Variants in SOX6 observed in about 807,000 individuals in gnomAD.
SOX6 encodes SRY-box transcription factor 6.
SOX6 carries 11 observed loss-of-function variants against 97.8 expected under a neutral mutation model. The observed-to-expected ratio is 0.11, with a 90% CI of 0.07 to 0.19. The LOEUF is 0.19. Among genes scored for constraint, SOX6 ranks in the 10% least tolerant of loss-of-function variants. The probability of loss-of-function intolerance (pLI) is 1.00; values close to 1 mark genes in which losing one functional copy is unlikely to be tolerated. For missense variants in SOX6, 810 were observed against 1,039.5 expected (o/e 0.78, Z 3.04); for synonymous variants, 360 against 371.4 (o/e 0.97, Z 0.35).
chr11:16,628,513 C>G (rs1848657479), intron 3 of SOX6, among the ~76,000 whole-genome samples: 1 of 151,372 alleles, frequency 6.6e-6, no homozygotes, highest in Admixed American at 6.6e-5. Context: ...GTAGTCGCAG[C>G]TACTTGGAAG....
At chr11:16,051,274 T>C (rs919449065) in intron 10 of SOX6, among the ~76,000 whole-genome samples, 5 of 152,194 alleles carry the variant, frequency 3.3e-5, no homozygotes, top group Non-Finnish European at 7.4e-5. Context: ...AGTATTATTC[T>C]AAATTTACAA....
rs1042826609 is a variant in SOX6, at chr11:16,399,987, A to C, written c.-4-58735T>G. 3.3e-5 allele frequency among the ~76,000 whole-genome samples: 5 copies of C among 151,494 alleles called. No individual in the cohort carries two copies. The East Asian group carries it at 7.8e-4, about 24-fold the overall frequency. On this transcript the variant is annotated intron_variant, in intron 1 of 15. Coordinates refer to the SOX6 transcript ENST00000396356. ...TGAAGAAAAAAGGATTCTTAACTTAAAAAAAGACAGTTTCAGTTCCATTGA... is the reference window on the plus strand; with the variant it reads ...TGAAGAAAAAAGGATTCTTAACTTACAAAAAGACAGTTTCAGTTCCATTGA...
At chr11:16,214,066 A>G (rs1237489049) in intron 4 of SOX6, among the ~76,000 whole-genome samples, 2 of 152,224 alleles carry the variant, frequency 1.3e-5, no homozygotes, top group Non-Finnish European at 2.9e-5. Context: ...GCTGCCTAAT[A>G]TGATAGCCAT....
intron 4 of SOX6, among the ~76,000 whole-genome samples, chr11:16,221,212 AAT>A: frequency 6.6e-6 from 1 of 152,234 alleles, no homozygotes; most frequent in Non-Finnish European, 1.5e-5. Context: ...ATGCAAATAA[AAT>A]AGTGAGTAAA....
At chr11:16,543,191 T>C (rs1861433834) in intron 4 of SOX6, among the ~76,000 whole-genome samples, 1 of 152,164 alleles carries the variant, frequency 6.6e-6, no homozygotes, top group Non-Finnish European at 1.5e-5. Context: ...TGTGCCTTCA[T>C]GCCAACCTTA....
chr11:16,507,767 C>T (rs1449455879), intron 4 of SOX6, among the ~76,000 whole-genome samples: 2 of 152,064 alleles, frequency 1.3e-5, no homozygotes, highest in Non-Finnish European at 2.9e-5. Context: ...AAGACTTAAA[C>T]ATAGACCTGA....
At chr11:16,007,029 A>G (rs1854575651) in intron 13 of SOX6, among the ~76,000 whole-genome samples, 1 of 150,738 alleles carries the variant, frequency 6.6e-6, no homozygotes, top group Non-Finnish European at 1.5e-5. Flanking sequence ...GCAGGCAGTG[A>G]TAGACAAGCA....
intron 1 of SOX6, among the ~76,000 whole-genome samples, chr11:16,372,760 G>A (rs1466884753): frequency 6.6e-6 from 1 of 152,070 alleles, no homozygotes; most frequent in African/African-American, 2.4e-5. Flanking sequence ...GAGAGAGCCA[G>A]TAGAGATTAG....
At chr11:16,625,490 A>G (rs547326173) in intron 3 of SOX6, among the ~76,000 whole-genome samples, 1 of 152,280 alleles carries the variant, frequency 6.6e-6, no homozygotes, top group Non-Finnish European at 1.5e-5. Context: ...TTGGTTCCTA[A>G]CAACAGAGTT....
intron 4 of SOX6, among the ~76,000 whole-genome samples, chr11:16,580,497 T>C (rs1014559788): frequency 6.6e-6 from 1 of 152,086 alleles, no homozygotes; most frequent in South Asian, 2.1e-4. Context: ...GAAAATACTT[T>C]TTGGAAAATA....
At chr11:16,146,950 C>A (rs1011299430) in intron 6 of SOX6, among the ~76,000 whole-genome samples, 1 of 152,166 alleles carries the variant, frequency 6.6e-6, no homozygotes, top group African/African-American at 2.4e-5. Flanking sequence ...TGCGGCGATT[C>A]CTCAAGGATC....
chr11:16,643,332 G>C (rs1012862089), intron 3 of SOX6, among the ~76,000 whole-genome samples: 1 of 152,196 alleles, frequency 6.6e-6, no homozygotes, highest in Non-Finnish European at 1.5e-5. Flanking sequence ...CTACTGGGGG[G>C]TGCCTCCCAG....
At chr11:16,264,152 C>CTTT (rs1853994611) in intron 3 of SOX6, among the ~76,000 whole-genome samples, 1 of 151,808 alleles carries the variant, frequency 6.6e-6, no homozygotes, top group African/African-American at 2.4e-5. Context: ...CACTCAACTA[C>CTTT]TAATCCCCAT....
At chr11:16,539,782 A>G (rs890714888) in intron 4 of SOX6, among the ~76,000 whole-genome samples, 1 of 152,208 alleles carries the variant, frequency 6.6e-6, no homozygotes, top group Non-Finnish European at 1.5e-5. Context: ...AAGAAGTTGA[A>G]TCTCTGAATA....
intron 13 of SOX6, among the ~76,000 whole-genome samples, chr11:15,991,739 T>C (rs1230393026): frequency 2.0e-5 from 3 of 152,236 alleles, no homozygotes; most frequent in Non-Finnish European, 4.4e-5. Context: ...GAAGTTTTAC[T>C]GTCTCAAAGA....
At chr11:16,680,170 G>C (rs917101985) in intron 3 of SOX6, among the ~76,000 whole-genome samples, 1 of 152,146 alleles carries the variant, frequency 6.6e-6, no homozygotes, top group Admixed American at 6.5e-5. Context: ...GATTCACCAA[G>C]GTTGAAATGA....
chr11:16,460,081 A>G (rs1458070020), intron 1 of SOX6, among the ~76,000 whole-genome samples: 1 of 152,040 alleles, frequency 6.6e-6, no homozygotes, highest in African/African-American at 2.4e-5. Flanking sequence ...AAAATGGCAT[A>G]TTACATATAA....
intron 9 of SOX6, among the ~76,000 whole-genome samples, chr11:16,087,855 T>C (rs1848610080): frequency 6.6e-6 from 1 of 152,086 alleles, no homozygotes; most frequent in South Asian, 2.1e-4. Flanking sequence ...CTATGTAAAA[T>C]AGGTGTTCTC....
chr11:16,545,650 G>A (rs1254224331), intron 4 of SOX6, among the ~76,000 whole-genome samples: 1 of 152,076 alleles, frequency 6.6e-6, no homozygotes, highest in East Asian at 1.9e-4. Context: ...CACCCAAATT[G>A]GAAAAGAAGA....
Sources: allele counts gnomAD v4.1 joint callset (sites outside exome capture counted in the v4.1 genomes callset), GRCh38; gene constraint gnomAD v4.1.1; transcripts MANE v1.5; gene names NCBI Gene and HGNC (gene_info 2026-07-23, HGNC 2026-07-21).